BICRAL: variants seen among roughly 807,000 people sequenced by gnomAD.
BICRAL encodes BRD4-interacting chromatin-remodeling complex-associated protein-like.
In BICRAL, 8 loss-of-function variants were observed where a neutral mutation model predicts 91.8. That is an observed-to-expected ratio of 0.09 (90% CI 0.05 to 0.16). The LOEUF is 0.16. Ranked by LOEUF, BICRAL falls within the 10% of genes least tolerant of loss-of-function variation. The pLI is 1.00. For synonymous variants in BICRAL, 445 were observed against 491.1 expected, an observed-to-expected ratio of 0.91 and a Z score of 1.24; for missense variants, 1,038 against 1,310.9, an observed-to-expected ratio of 0.79 and a Z score of 3.21.
At chr6:42,842,631 A>G (rs536990079) in intron 6 of BICRAL, among the ~76,000 whole-genome samples, 3 of 152,220 alleles carry the variant, frequency 2.0e-5, no homozygotes, top group African/African-American at 7.2e-5. Context: ...GTCCCACCCA[A>G]AGCCCCTAGA....
chr6:42,754,245 C>T (rs1762424829), intron 1 of BICRAL, among the ~76,000 whole-genome samples: 1 of 151,516 alleles, frequency 6.6e-6, no homozygotes, highest in Non-Finnish European at 1.5e-5. Flanking sequence ...AATCTGGGCT[C>T]ACTGCAAGCT....
At chr6:42,785,799 TA>T (rs1263217081) in intron 1 of BICRAL, among the ~76,000 whole-genome samples, 1 of 152,048 alleles carries the variant, frequency 6.6e-6, no homozygotes, top group African/African-American at 2.4e-5. Context: ...CTCACACCTG[TA>T]ATCCCAGCAC....
At chr6:42,808,093 AT>A (rs1263657431) in intron 1 of BICRAL, among the ~76,000 whole-genome samples, 1 of 147,982 alleles carries the variant, frequency 6.8e-6, no homozygotes, top group East Asian at 1.9e-4. Flanking sequence ...GAAGACAAAT[AT>A]GATGAGATTC....
chr6:42,865,502 G>GAGACCCCACCCCGA lies in BICRAL; in HGVS notation c.*56_*57insAGACCCCACCCCGA. The stretch of plus-strand genomic sequence containing the variant: ...AGACCCCACCCCGAGACCCCACCCC[G>GAGACCCCACCCCGA]GACCAGTTACATTCGTTCCTGGCAA... On this transcript the variant is annotated 3_prime_UTR_variant, in exon 13 of 13. Transcript: ENST00000314073. The GAGACCCCACCCCGA allele has an allele frequency of 1.3e-6, 1 of 745,076 alleles. No individual in the cohort carries two copies. The highest frequency in any genetic ancestry group is 4.2e-5 in the African/African-American group (1 of 23,608). 46.2% of individuals were successfully genotyped at this position (745,076 alleles called of 1,614,324 possible). A position where few individuals can be genotyped will look rare whatever the true frequency, so the allele number is the denominator to read the frequency against.
At chr6:42,800,901 A>G (rs1014913997) in intron 1 of BICRAL, among the ~76,000 whole-genome samples, 6 of 141,532 alleles carry the variant, frequency 4.2e-5, no homozygotes. Context: ...ACAGAGAGCA[A>G]AGAGTCAAGA....
chr6:42,788,993 CAG>C (rs1288876751), intron 1 of BICRAL, among the ~76,000 whole-genome samples: 2 of 152,038 alleles, frequency 1.3e-5, no homozygotes, highest in African/African-American at 4.8e-5. Flanking sequence ...GCAGGTTTGA[CAG>C]AGGAGAAGCA....
At chr6:42,770,963 T>G (rs1280562461) in intron 1 of BICRAL, among the ~76,000 whole-genome samples, 2 of 152,206 alleles carry the variant, frequency 1.3e-5, no homozygotes, top group Non-Finnish European at 2.9e-5. Context: ...ATTACAGGCG[T>G]GAGCCACCGC....
intron 1 of BICRAL, among the ~76,000 whole-genome samples, chr6:42,806,690 T>G (rs1763718187): frequency 6.6e-6 from 1 of 150,638 alleles, no homozygotes; most frequent in African/African-American, 2.4e-5. Context: ...TTTTTATATT[T>G]TTTTAGTAGA....
At position 42,865,706 on chromosome 6, in the gene BICRAL, G is replaced by T. The variant is rs753039160; in HGVS notation, c.*260G>T. Reference sequence around the variant, plus strand: ...CTGATAGGCCCCACTCATTTCAAGTGTTATGAAAGTGCTTATAGGCATTTT... The same window carrying T: ...CTGATAGGCCCCACTCATTTCAAGTTTTATGAAAGTGCTTATAGGCATTTT... On this transcript the variant is annotated 3_prime_UTR_variant, in exon 13 of 13. Coordinates refer to ENST00000314073, the MANE Select transcript of BICRAL (RefSeq NM_001393499.1). 2.3e-6 allele frequency: 1 copy of T among 427,462 alleles called. No homozygotes were observed. The highest frequency in any genetic ancestry group is 4.2e-6 in the Non-Finnish European group (1 of 239,882). 26.5% of individuals were successfully genotyped at this position (427,462 alleles called of 1,614,324 possible).
intron 8 of BICRAL, 32 bp downstream of exon 8, chr6:42,853,770 T>A (rs780130623): frequency 2.1e-6 from 3 of 1,408,518 alleles, no homozygotes; most frequent in East Asian, 2.3e-5. Flanking sequence ...CTCTTCCTAA[T>A]GTTCGGCATA....
intron 8 of BICRAL, among the ~76,000 whole-genome samples, chr6:42,855,417 C>T (rs1051420634): frequency 1.3e-5 from 2 of 152,120 alleles, no homozygotes; most frequent in African/African-American, 4.8e-5. Flanking sequence ...TGGTGCATAC[C>T]TGTAGTCCCA....
chr6:42,774,712 A>G (rs1762785921), intron 1 of BICRAL, among the ~76,000 whole-genome samples: 1 of 152,168 alleles, frequency 6.6e-6, no homozygotes, highest in Admixed American at 6.6e-5. Flanking sequence ...GATTTAGGAA[A>G]GAAAGAATTA....
rs763795707 is a variant in BICRAL, at chr6:42,822,043, G to A, written c.21G>A (p.Ser7=). The A allele has an allele frequency of 3.1e-6, 5 of 1,607,924 alleles. No homozygotes were observed. The highest frequency in any genetic ancestry group is 4.5e-5 in the East Asian group (2 of 44,738). The part of the protein sequence containing the change: MDDDDD[S]CLLDLIGDPQ... ...TTGTCATGGATGATGATGATGACTC[G>A]TGTCTCCTTGATCTTATTGGGTAAG... The change falls in exon 3 of 13, where the codon TCG becomes TCA. Residue 7 remains serine (S), a synonymous_variant. Transcript: ENST00000314073.
intron 1 of BICRAL, among the ~76,000 whole-genome samples, chr6:42,767,137 G>GTTAA (rs1762648585): frequency 6.6e-6 from 1 of 152,036 alleles, no homozygotes; most frequent in Non-Finnish European, 1.5e-5. Context: ...GGGCGACAGA[G>GTTAA]TTAAGCCTCT....
intron 10 of BICRAL, 83 bp downstream of exon 10, chr6:42,857,319 C>A: frequency 1.8e-6 from 2 of 1,120,514 alleles, no homozygotes; most frequent in Non-Finnish European, 2.6e-6. Context: ...AGAGCCACAT[C>A]ACCCCCAGAT....
At position 42,829,313 on chromosome 6, in the gene BICRAL, A is replaced by G. The variant is rs773120901; in HGVS notation, c.980A>G (p.Asn327Ser). Residue 327 changes from asparagine (N) to serine (S), a missense_variant, in exon 6 of 13, where the codon AAT (asparagine) becomes AGT (serine). By Grantham distance (46) the Asn-to-Ser change is conservative (BLOSUM62 1). Coordinates refer to ENST00000314073, the MANE Select transcript of BICRAL (RefSeq NM_001393499.1). Reference protein sequence around the residue: ...PIQMGQQNTYNVNNLGIQQHH... With the variant: ...PIQMGQQNTYSVNNLGIQQHH... ...CAGATGGGTCAGCAAAATACATACA[A>G]TGTGAACAATTTGGGAATTCAGCAG... is the stretch of plus-strand genomic sequence containing the variant. 3.1e-6 allele frequency: 5 copies of G among 1,614,104 alleles called. No homozygotes were observed. Among genetic ancestry groups the G allele is most frequent in the East Asian group, 2.2e-5 (1 of 44,906 alleles).
At chr6:42,797,232 G>A (rs1313502058) in intron 1 of BICRAL, among the ~76,000 whole-genome samples, 3 of 152,154 alleles carry the variant, frequency 2.0e-5, no homozygotes, top group Non-Finnish European at 4.4e-5. Flanking sequence ...AACTTAGGTG[G>A]AAAAGAACCA....
chr6:42,785,431 G>C lies in BICRAL; in HGVS notation c.-102+3330G>C, dbSNP rs58160596. On this transcript the variant is annotated intron_variant, in intron 1 of 12. Coordinates refer to ENST00000314073, the MANE Select transcript of BICRAL (RefSeq NM_001393499.1). ...AAAAAGCTAGCCGAGTGTGGTGGCA[G>C]GTGCCTGTAATCCCAGCTACTTGGG... Among the ~76,000 whole-genome samples the C allele has an allele frequency of 5.4e-3, 819 of 151,790 alleles. 3 individuals carry two copies. The highest frequency in any genetic ancestry group is 0.019 in the African/African-American group (770 of 41,390).
chr6:42,783,808 C>T (rs1375920416), intron 1 of BICRAL, among the ~76,000 whole-genome samples: 1 of 152,238 alleles, frequency 6.6e-6, no homozygotes, highest in Non-Finnish European at 1.5e-5. Flanking sequence ...CACCCCCACT[C>T]CTCCCAGTCG....
Sources: gnomAD v4.1 joint callset for allele counts (sites outside exome capture counted in the v4.1 genomes callset) on GRCh38, gnomAD v4.1.1 for gene constraint, MANE v1.5 for transcripts, NCBI Gene and HGNC (gene_info 2026-07-23, HGNC 2026-07-21) for gene names.